Variants in TEC observed in about 807,000 individuals in gnomAD.
TEC encodes tyrosine-protein kinase Tec.
A neutral mutation model predicts 93.0 loss-of-function variants in TEC; 72 were observed. The observed-to-expected ratio is 0.77, with a 90% CI of 0.64 to 0.94. The LOEUF (loss-of-function observed/expected upper bound fraction) is 0.94. Among genes scored for constraint, TEC ranks in the 40% least tolerant of loss-of-function variants. The pLI is 0.00. For synonymous variants in TEC, 249 were observed against 247.7 expected, an observed-to-expected ratio of 1.01 and a Z score of -0.05; for missense variants, 630 against 757.9, an observed-to-expected ratio of 0.83 and a Z score of 1.98.
chr4:48,156,817 C>T, intron 8 of TEC, 83 bp from the exon 9 acceptor site: 1 of 1,050,584 alleles, frequency 9.5e-7, no homozygotes, highest in Non-Finnish European at 1.4e-6. Flanking sequence ...AGTAATTCTG[C>T]TCATCAATAA....
intron 9 of TEC, among the ~76,000 whole-genome samples, chr4:48,154,618 A>T (rs1418714022): frequency 1.3e-5 from 2 of 152,184 alleles, no homozygotes; most frequent in Non-Finnish European, 2.9e-5. Flanking sequence ...TTTAGAGGTT[A>T]TTTAAAGGTT....
At position 48,136,068 on chromosome 4, in the gene TEC, C is replaced by G. The variant is rs1266334091; in HGVS notation, c.*1348G>C. The G allele has an allele frequency of 6.6e-6, 1 of 152,200 alleles. No homozygotes were observed. The highest frequency in any genetic ancestry group is 1.5e-5 in the Non-Finnish European group (1 of 68,048). 9.4% of individuals were successfully genotyped at this position (152,200 alleles called of 1,614,324 possible). The stretch of plus-strand genomic sequence containing the variant: ...GTTACCCCACCAACAGCAAGAATAA[C>G]GTGTTGGGCAATAAACGGTCTCTGG... On this transcript the variant is annotated 3_prime_UTR_variant, in exon 18 of 18. Transcript: ENST00000381501.
chr4:48,168,690 T>C (rs1255848929), intron 5 of TEC, 64 bp from the exon 6 acceptor site: 7 of 1,555,670 alleles, frequency 4.5e-6, no homozygotes, highest in Middle Eastern at 1.7e-4. Flanking sequence ...AAAAATAAGA[T>C]ATGGGTAGTT....
intron 2 of TEC, among the ~76,000 whole-genome samples, chr4:48,181,701 G>A (rs28696098): frequency 6.7e-6 from 1 of 148,984 alleles, no homozygotes; most frequent in Admixed American, 6.7e-5. Flanking sequence ...AAAAGAAAAA[G>A]AAAAGAATTG....
intron 1 of TEC, among the ~76,000 whole-genome samples, chr4:48,267,871 A>C (rs1724680287): frequency 3.9e-5 from 6 of 152,248 alleles, no homozygotes; most frequent in Admixed American, 3.3e-4. Context: ...CAGCTGGGGC[A>C]GGGAGGAGAG....
intron 2 of TEC, among the ~76,000 whole-genome samples, chr4:48,212,110 A>AAAAAAAAAAAAAAAAATATATATATAT: frequency 1.6e-5 from 2 of 122,266 alleles, no homozygotes; most frequent in African/African-American, 6.0e-5. Context: ...AAAAAAAAAA[A>AAAAAAAAAAAAAAAAATATATATATAT]ATATATATAT....
chr4:48,167,234 AT>A (rs1195685546), intron 7 of TEC, among the ~76,000 whole-genome samples: 2 of 152,150 alleles, frequency 1.3e-5, no homozygotes, highest in African/African-American at 4.8e-5. Context: ...ACATATATAT[AT>A]TTTATATATA....
chr4:48,266,147 C>T (rs4235154), intron 1 of TEC, among the ~76,000 whole-genome samples: 140,417 of 152,308 alleles, frequency 0.92, 65,862 homozygotes, highest in East Asian at 1. Flanking sequence ...GTTGAAAACA[C>T]ATTTTCAGGC....
intron 1 of TEC, among the ~76,000 whole-genome samples, chr4:48,267,069 T>C (rs1724658513): frequency 6.6e-6 from 1 of 152,186 alleles, no homozygotes; most frequent in Non-Finnish European, 1.5e-5. Context: ...AAGCCACAAA[T>C]GGCAAAGAAT....
In TEC at chr4:48,184,768, A is replaced by ACACAC. The variant is rs1190852276; in HGVS notation, c.139-8583_139-8582insGTGTG. Among the ~76,000 whole-genome samples, 459 of 96,988 alleles carry ACACAC rather than the reference A, an allele frequency of 4.7e-3. 3 individuals are homozygous for ACACAC. The highest frequency in any genetic ancestry group is 0.016 in the Middle Eastern group (3 of 184). The allele number at this position is 96,988 out of a possible 152,430, so 63.6% of individuals were successfully genotyped here. A position where few individuals can be genotyped will look rare whatever the true frequency, so the allele number is the denominator to read the frequency against. ...AACAAAGGACCAGGCAGACAAAAAA[A>ACACAC]ATACACACACACACACACACACACA... is the stretch of plus-strand genomic sequence containing the variant. On this transcript the variant is annotated intron_variant, in intron 2 of 17. Coordinates refer to ENST00000381501, the MANE Select transcript of TEC (RefSeq NM_003215.3).
At chr4:48,248,396 T>C (rs1167442181) in intron 1 of TEC, among the ~76,000 whole-genome samples, 1 of 152,148 alleles carries the variant, frequency 6.6e-6, no homozygotes, top group African/African-American at 2.4e-5. Flanking sequence ...GGGTCCTAAG[T>C]GCAGTAAGAG....
intron 2 of TEC, among the ~76,000 whole-genome samples, chr4:48,189,329 CACTG>C (rs1165903859): frequency 6.7e-6 from 1 of 148,702 alleles, no homozygotes; most frequent in Non-Finnish European, 1.5e-5. Context: ...ACCCTGAGAA[CACTG>C]ACTTACACAT....
At chr4:48,143,827 G>A (rs958953232) in intron 14 of TEC, among the ~76,000 whole-genome samples, 15 of 152,108 alleles carry the variant, frequency 9.9e-5, no homozygotes, top group Non-Finnish European at 1.5e-4. Context: ...TCTGTAAAAA[G>A]GGAATAATAA....
intron 2 of TEC, among the ~76,000 whole-genome samples, chr4:48,225,230 C>T (rs190577641): frequency 2.6e-5 from 4 of 152,072 alleles, no homozygotes; most frequent in African/African-American, 7.2e-5. Context: ...GGCTGGAGTG[C>T]GTGGTACAAC....
At chr4:48,152,169 T>C (rs993386014) in intron 9 of TEC, among the ~76,000 whole-genome samples, 1 of 152,172 alleles carries the variant, frequency 6.6e-6, no homozygotes, top group African/African-American at 2.4e-5. Context: ...CTCATACCTG[T>C]AATCCCAGCA....
rs547643508 is a variant in TEC at position 48,144,154 on chromosome 4, G to A, written c.1470+925C>T. Among the ~76,000 whole-genome samples the A allele has an allele frequency of 3.3e-5, 5 of 152,248 alleles. No homozygotes were observed. The South Asian group carries it at 1.0e-3, about 32-fold the overall frequency. ...CGCTTGAACCCGGGAGGTTGAGGCT[G>A]CAGTGAGCCAAGATTGCGCCACTGC... On this transcript the variant is annotated intron_variant, in intron 14 of 17. Coordinates refer to ENST00000381501, the MANE Select transcript of TEC (RefSeq NM_003215.3).
intron 1 of TEC, among the ~76,000 whole-genome samples, chr4:48,238,650 T>C (rs1723849207): frequency 6.6e-6 from 1 of 151,224 alleles, no homozygotes; most frequent in Non-Finnish European, 1.5e-5. Flanking sequence ...TATGCAGATA[T>C]ATGCATTACA....
At chr4:48,216,888 C>A (rs573686427) in intron 2 of TEC, among the ~76,000 whole-genome samples, 1 of 152,306 alleles carries the variant, frequency 6.6e-6, no homozygotes, top group African/African-American at 2.4e-5. Flanking sequence ...ACAACTATCA[C>A]AGCCAGATCA....
At chr4:48,177,336 A>C (rs1337223078) in intron 2 of TEC, among the ~76,000 whole-genome samples, 1 of 152,254 alleles carries the variant, frequency 6.6e-6, no homozygotes, top group African/African-American at 2.4e-5. Context: ...CTTCATTGGT[A>C]GGTATTCATA....
Sources: gnomAD v4.1 joint callset for allele counts (sites outside exome capture counted in the v4.1 genomes callset) on GRCh38, gnomAD v4.1.1 for gene constraint, MANE v1.5 for transcripts, NCBI Gene and HGNC (gene_info 2026-07-23, HGNC 2026-07-21) for gene names.